The following KIAA1217 variants were observed in gnomAD, a reference collection of about 807,000 sequenced individuals.
KIAA1217 encodes sickle tail protein homolog.
In KIAA1217, 88 loss-of-function variants were observed where a neutral mutation model predicts 163.9. The ratio of observed to expected loss-of-function variants is 0.54; its 90% CI spans 0.45 to 0.64. The LOEUF (loss-of-function observed/expected upper bound fraction) is 0.64. Among genes scored for constraint, KIAA1217 ranks in the 30% least tolerant of loss-of-function variants. KIAA1217 has a pLI of 0.00. For synonymous variants in KIAA1217, 903 were observed against 923.1 expected, an observed-to-expected ratio of 0.98 and a Z score of 0.39; for missense variants, 2,372 against 2,475.0, an observed-to-expected ratio of 0.96 and a Z score of 0.88.
intron 2 of KIAA1217, among the ~76,000 whole-genome samples, chr10:24,320,870 T>C (rs934357226): frequency 5.9e-5 from 9 of 151,904 alleles, no homozygotes; most frequent in Non-Finnish European, 1.2e-4. Flanking sequence ...AGTGAAACCC[T>C]GTCTCTACTA....
chr10:24,101,331 A>G (rs1253431227), intron 2 of KIAA1217, among the ~76,000 whole-genome samples: 1 of 152,138 alleles, frequency 6.6e-6, no homozygotes, highest in Admixed American at 6.5e-5. Flanking sequence ...GAGTTTTATG[A>G]TTCTAAATTA....
chr10:24,108,200 A>G (rs969986713), intron 2 of KIAA1217, among the ~76,000 whole-genome samples: 1 of 152,228 alleles, frequency 6.6e-6, no homozygotes, highest in African/African-American at 2.4e-5. Flanking sequence ...TATAATGGAA[A>G]GAAATCACAC....
chr10:24,056,511 C>T (rs188686583), intron 2 of KIAA1217, among the ~76,000 whole-genome samples: 596 of 151,978 alleles, frequency 3.9e-3, no homozygotes, highest in Non-Finnish European at 6.8e-3. Context: ...GTTATATTAT[C>T]ATACGACAGG....
chr10:23,904,712 G>T (rs1388589074), intron 1 of KIAA1217, among the ~76,000 whole-genome samples: 1 of 152,102 alleles, frequency 6.6e-6, no homozygotes, highest in Non-Finnish European at 1.5e-5. Flanking sequence ...CTTCATGGAG[G>T]GCATAGGTAC....
intron 3 of KIAA1217, among the ~76,000 whole-genome samples, chr10:24,394,444 G>A (rs1216643489): frequency 7.0e-6 from 1 of 142,538 alleles, no homozygotes; most frequent in Non-Finnish European, 1.5e-5. Flanking sequence ...CCACTCTCGG[G>A]TTTTGTTTTG....
intron 3 of KIAA1217, among the ~76,000 whole-genome samples, chr10:24,417,665 C>G (rs561533169): frequency 6.6e-6 from 1 of 151,886 alleles, no homozygotes; most frequent in African/African-American, 2.4e-5. Context: ...GTGAAGTCTA[C>G]GAATGAGAGT....
intron 2 of KIAA1217, among the ~76,000 whole-genome samples, chr10:24,298,662 G>T (rs1337139243): frequency 6.6e-6 from 1 of 152,130 alleles, no homozygotes; most frequent in African/African-American, 2.4e-5. Context: ...GCCGGGCATG[G>T]TAGTACCTGC....
At chr10:24,086,275 C>T (rs1317731056) in intron 2 of KIAA1217, among the ~76,000 whole-genome samples, 1 of 152,180 alleles carries the variant, frequency 6.6e-6, no homozygotes, top group Non-Finnish European at 1.5e-5. Flanking sequence ...AGCAGTTGAG[C>T]AAATGAAACA....
At chr10:23,716,341 C>G (rs1249647715) in intron 1 of KIAA1217, among the ~76,000 whole-genome samples, 1 of 152,122 alleles carries the variant, frequency 6.6e-6, no homozygotes, top group Non-Finnish European at 1.5e-5. Flanking sequence ...CTTATGCATA[C>G]ATTTTGTAGT....
At position 23,751,270 on chromosome 10, in the gene KIAA1217, T is replaced by C. The variant is rs192939552; in HGVS notation, c.-321+56036T>C. Among the ~76,000 whole-genome samples, 65 of 152,226 alleles carry C rather than the reference T, an allele frequency of 4.3e-4. 2 individuals are homozygous for C. The highest frequency in any genetic ancestry group is 3.3e-3 in the Admixed American group (51 of 15,270). On this transcript the variant is annotated intron_variant, in intron 1 of 18. Transcript: ENST00000376462. ...CTCAAACTCCTGAGCTCAAGCTCTC[T>C]GCCTGCCTCGGCCTTCCAAAGTGCT...
intron 2 of KIAA1217, among the ~76,000 whole-genome samples, chr10:24,173,975 AG>A (rs1275914228): frequency 6.6e-6 from 1 of 152,182 alleles, no homozygotes; most frequent in Non-Finnish European, 1.5e-5. Flanking sequence ...TTGTACCCTC[AG>A]GAACATGTGC....
intron 6 of KIAA1217, among the ~76,000 whole-genome samples, chr10:24,478,486 C>G (rs2064284815): frequency 6.6e-6 from 1 of 152,082 alleles, no homozygotes; most frequent in African/African-American, 2.4e-5. Flanking sequence ...GGTCTCCTAC[C>G]AGGGACTTTG....
intron 1 of KIAA1217, among the ~76,000 whole-genome samples, chr10:23,856,317 A>G (rs1438043047): frequency 1.3e-5 from 2 of 152,232 alleles, no homozygotes; most frequent in East Asian, 1.9e-4. Flanking sequence ...CAGTGGCTGC[A>G]GAACAGCGGA....
intron 2 of KIAA1217, among the ~76,000 whole-genome samples, chr10:24,283,565 G>A (rs80256974): frequency 0.011 from 1,643 of 152,214 alleles, 29 homozygotes; most frequent in East Asian, 0.084. Flanking sequence ...TACTCAGGAG[G>A]CCGAGCATGA....
At chr10:23,898,515 T>A (rs1841806943) in intron 1 of KIAA1217, among the ~76,000 whole-genome samples, 1 of 152,028 alleles carries the variant, frequency 6.6e-6, no homozygotes, top group Non-Finnish European at 1.5e-5. Context: ...TTTGAAGATG[T>A]TTGAGACTTT....
intron 2 of KIAA1217, among the ~76,000 whole-genome samples, chr10:24,068,308 T>C (rs977077055): frequency 2.0e-5 from 3 of 152,222 alleles, no homozygotes; most frequent in African/African-American, 7.2e-5. Flanking sequence ...ATTGTATTCT[T>C]CAGCTCCAAG....
In KIAA1217 at chr10:24,319,375, CAAAAAAAAAAAAA is replaced by C. The variant is rs34410717; in HGVS notation, c.355-61476_355-61464del. 1.7e-4 allele frequency among the ~76,000 whole-genome samples: 8 copies of C among 45,838 alleles called. No homozygotes were observed. The South Asian group carries it at 4.0e-3, about 23-fold the overall frequency. The allele number at this position is 45,838 out of a possible 152,430, so 30.1% of individuals were successfully genotyped here. ...TGGGTGACAGAGCGAGACGTTGTCT[CAAAAAAAAAAAAA>C]AAAAAAAAAAAAAAAAAGGCAGGGG... is the stretch of plus-strand genomic sequence containing the variant. On this transcript the variant is annotated intron_variant, in intron 2 of 20. Coordinates refer to ENST00000376454, the MANE Select transcript of KIAA1217 (RefSeq NM_019590.5).
intron 2 of KIAA1217, among the ~76,000 whole-genome samples, chr10:24,256,531 G>C (rs373512041): frequency 5.3e-5 from 8 of 151,998 alleles, no homozygotes; most frequent in African/African-American, 1.9e-4. Context: ...TGTCCTGAAA[G>C]AAACCTTGGG....
At chr10:24,377,446 G>A (rs1309184260) in intron 2 of KIAA1217, among the ~76,000 whole-genome samples, 1 of 152,158 alleles carries the variant, frequency 6.6e-6, no homozygotes, top group Non-Finnish European at 1.5e-5. Context: ...CAAACACCAA[G>A]CTGTAGGCCA....
Sources: allele counts gnomAD v4.1 joint callset (sites outside exome capture counted in the v4.1 genomes callset), GRCh38; gene constraint gnomAD v4.1.1; transcripts MANE v1.5; gene names NCBI Gene and HGNC (gene_info 2026-07-23, HGNC 2026-07-21).